The following MEP1B variants were observed in gnomAD, a reference collection of about 807,000 sequenced individuals.
MEP1B encodes the protein meprin A subunit beta.
A neutral mutation model predicts 84.6 loss-of-function variants in MEP1B; 80 were observed. That is an observed-to-expected ratio of 0.95 (90% CI 0.79 to 1.14). The LOEUF is 1.14. MEP1B is among the 50% of genes most tolerant of loss of function. The pLI is 0.00. For synonymous variants in MEP1B, 273 were observed against 288.1 expected, an observed-to-expected ratio of 0.95 and a Z score of 0.53; for missense variants, 766 against 855.1, an observed-to-expected ratio of 0.90 and a Z score of 1.30.
Position 32,208,103 on chromosome 18 carries a change from T to A in MEP1B, c.767-16T>A. 6.2e-7 allele frequency: 1 copy of A among 1,612,342 alleles called. No individual in the cohort carries two copies. The highest frequency in any genetic ancestry group is 8.5e-7 in the Non-Finnish European group (1 of 1,178,780). On this transcript the variant is annotated splice_polypyrimidine_tract_variant and intron_variant, in intron 8 of 14. Transcript: ENST00000269202. The stretch of plus-strand genomic sequence containing the variant: ...ATGTTGTATGAGTGTCAATAATTGT[T>A]TTTTGCTTTTTGTAGCCTCTTCCTT...
intron 11 of MEP1B, among the ~76,000 whole-genome samples, chr18:32,214,083 G>A (rs2041058637): frequency 6.6e-6 from 1 of 152,170 alleles, no homozygotes; most frequent in East Asian, 1.9e-4. Context: ...ACGTCACTGG[G>A]ATTGTCAAAA....
In MEP1B at chr18:32,210,605, CA is replaced by C. The variant is rs528883111; in HGVS notation, c.1026del (p.Gln342HisfsTer14). On this transcript the variant is annotated frameshift_variant, in exon 10 of 15. Coordinates refer to ENST00000269202, the MANE Select transcript of MEP1B (RefSeq NM_005925.3). LOFTEE classifies it high-confidence loss of function. ...LYPKRGFQCL[Q>X]FYLYNSGSES... ...CCCTAAAAGAGGATTTCAGTGCCTG[CA>C]ATTTTACTTATATAACAGTGGCAGT... is the stretch of plus-strand genomic sequence containing the variant. The C allele has an allele frequency of 1.5e-4, 238 of 1,613,976 alleles. No homozygotes were observed. In the African/African-American group the frequency reaches 2.9e-3, roughly 20 times the overall value.
chr18:32,192,957 T>C lies in MEP1B; in HGVS notation c.171+140T>C, dbSNP rs928734931. 7 of 638,386 alleles carry C rather than the reference T, an allele frequency of 1.1e-5. No homozygotes were observed. The African/African-American group carries it at 1.1e-4, about 10-fold the overall frequency. The allele number at this position is 638,386 out of a possible 1,614,324, so 39.5% of individuals were successfully genotyped here. On this transcript the variant is annotated intron_variant, in intron 4 of 14. Coordinates refer to ENST00000269202, the MANE Select transcript of MEP1B (RefSeq NM_005925.3). ...TGCAGAATCATGGTGACACATTTAT[T>C]CAATGAATATATTATACTCAAAGAA...
intron 6 of MEP1B, among the ~76,000 whole-genome samples, chr18:32,203,917 C>T (rs912058957): frequency 6.6e-6 from 1 of 152,110 alleles, no homozygotes; most frequent in African/African-American, 2.4e-5. Context: ...CAGCACCAAG[C>T]CATGTGTGGT....
At chr18:32,200,506 GT>G (rs1286984989) in intron 5 of MEP1B, among the ~76,000 whole-genome samples, 7 of 151,390 alleles carry the variant, frequency 4.6e-5, no homozygotes, top group African/African-American at 1.7e-4. Flanking sequence ...GTATCCTTAC[GT>G]TTCAGAAATG....
At chr18:32,211,258 G>A (rs531397355) in intron 10 of MEP1B, among the ~76,000 whole-genome samples, 20 of 152,132 alleles carry the variant, frequency 1.3e-4, no homozygotes, top group Non-Finnish European at 2.1e-4. Flanking sequence ...GACAGAGCAA[G>A]ACTCCATCTC....
chr18:32,201,844 C>T (rs1178536369), intron 5 of MEP1B, among the ~76,000 whole-genome samples: 2 of 152,174 alleles, frequency 1.3e-5, no homozygotes, highest in Non-Finnish European at 2.9e-5. Context: ...TCTTGATCTT[C>T]TTAGACCTGC....
chr18:32,210,912 T>A (rs2041020080), intron 10 of MEP1B, among the ~76,000 whole-genome samples, 196 bp downstream of exon 10: 1 of 152,178 alleles, frequency 6.6e-6, no homozygotes, highest in Non-Finnish European at 1.5e-5. Context: ...TATGTAACAC[T>A]CACTTAAGAA....
intron 11 of MEP1B, 119 bp downstream of exon 11, chr18:32,213,678 A>C: frequency 1.4e-6 from 1 of 717,768 alleles, no homozygotes; most frequent in South Asian, 1.8e-5. Flanking sequence ...CCCAAATCTT[A>C]AGAACAGATA....
In MEP1B at chr18:32,196,974, A is replaced by G. The variant is rs553825910; in HGVS notation, c.250+1489A>G. On this transcript the variant is annotated intron_variant, in intron 5 of 14. Transcript: ENST00000269202. The surrounding 1 kb of genome is among the most constrained non-coding windows in gnomAD (Gnocchi z 4.4). ...CTGATTGATGGGCTCACAGGGAGCC[A>G]GTCTTTATTTTAAAGCAGTGGTTTA... The G allele has an allele frequency of 4.2e-6, 1 of 238,732 alleles. No individual in the cohort carries two copies. Among genetic ancestry groups the G allele is most frequent in the Non-Finnish European group, 8.2e-6 (1 of 122,416 alleles). The allele number at this position is 238,732 out of a possible 1,614,324, so 14.8% of individuals were successfully genotyped here.
Position 32,215,163 on chromosome 18 carries a change from G to A in MEP1B, c.1661G>A (p.Gly554Asp). 1.2e-6 allele frequency: 2 copies of A among 1,611,404 alleles called. No individual in the cohort carries two copies. Among genetic ancestry groups the A allele is most frequent in the Non-Finnish European group, 8.5e-7 (1 of 1,178,098 alleles). The change falls in exon 12 of 15, where the codon GGT becomes GAT. Residue 554 changes from glycine (G) to aspartate (D), a missense_variant. Coordinates refer to ENST00000269202, the MANE Select transcript of MEP1B (RefSeq NM_005925.3). Reference protein sequence around the residue: ...LFSNGTQFRRGGGYGTSAFIT... With the variant: ...LFSNGTQFRRDGGYGTSAFIT... ...TCTAATGGAACTCAGTTTAGAAGAGGTGGGGGCTATGGAACCAGTGCCTTT... is the reference window on the plus strand; with the variant it reads ...TCTAATGGAACTCAGTTTAGAAGAGATGGGGGCTATGGAACCAGTGCCTTT...
At chr18:32,203,110 G>A (rs755820269) in intron 6 of MEP1B, 100 bp downstream of exon 6, 6 of 638,488 alleles carry the variant, frequency 9.4e-6, no homozygotes, top group Admixed American at 3.3e-5. Flanking sequence ...TTTAGGAAGG[G>A]GTGGGGACTT....
intron 10 of MEP1B, among the ~76,000 whole-genome samples, chr18:32,211,968 C>T (rs1361872862): frequency 1.3e-5 from 2 of 150,838 alleles, no homozygotes; most frequent in Admixed American, 6.6e-5. Context: ...CTTAATCTCA[C>T]TAAGCATATA....
intron 13 of MEP1B, among the ~76,000 whole-genome samples, chr18:32,217,430 T>C (rs2041102746): frequency 6.6e-6 from 1 of 152,192 alleles, no homozygotes; most frequent in African/African-American, 2.4e-5. Flanking sequence ...ACTGACGTTC[T>C]GAGGAGCCCT....
chr18:32,216,041 C>G (rs1798571668), intron 12 of MEP1B, among the ~76,000 whole-genome samples: 1 of 145,758 alleles, frequency 6.9e-6, no homozygotes, highest in South Asian at 2.2e-4. Flanking sequence ...TGACATTAAT[C>G]TCTTGTTAGA....
At chr18:32,191,865 TAGG>T in intron 2 of MEP1B, 25 bp downstream of exon 2, 1 of 1,477,416 alleles carries the variant, frequency 6.8e-7, no homozygotes, top group African/African-American at 1.4e-5. Context: ...AGTTTTGTTC[TAGG>T]TTATAGAGAA....
At chr18:32,208,783 C>G (rs962563325) in intron 9 of MEP1B, among the ~76,000 whole-genome samples, 6 of 152,166 alleles carry the variant, frequency 3.9e-5, no homozygotes, top group African/African-American at 1.4e-4. Context: ...TATTTGGCTA[C>G]AAGGACCAAA....
At chr18:32,209,316 G>T (rs1444822635) in intron 9 of MEP1B, among the ~76,000 whole-genome samples, 1 of 152,072 alleles carries the variant, frequency 6.6e-6, no homozygotes, top group African/African-American at 2.4e-5. Context: ...GTGAAACCCT[G>T]TCTCTACTAA....
At chr18:32,204,496 C>A in intron 7 of MEP1B, 136 bp downstream of exon 7, 1 of 768,806 alleles carries the variant, frequency 1.3e-6, no homozygotes, top group Non-Finnish European at 2.1e-6. Flanking sequence ...TCAGCTTGAA[C>A]TCATTCTGAG....
Sources: gnomAD v4.1 joint callset for allele counts (sites outside exome capture counted in the v4.1 genomes callset) on GRCh38, gnomAD v4.1.1 for gene constraint, Gnocchi (gnomAD v3.1) non-coding constraint, MANE v1.5 for transcripts, NCBI Gene and HGNC (gene_info 2026-07-23, HGNC 2026-07-21) for gene names.